The following TBXAS1 variants were observed in gnomAD, a reference collection of about 807,000 sequenced individuals.
TBXAS1 encodes thromboxane-A synthase.
A neutral mutation model predicts 60.7 loss-of-function variants in TBXAS1; 48 were observed. The ratio of observed to expected loss-of-function variants is 0.79; its 90% confidence interval spans 0.63 to 1.01. The LOEUF (loss-of-function observed/expected upper bound fraction) is 1.01, where lower values mean the gene tolerates loss of function less well. TBXAS1 is among the 50% of genes least tolerant of loss of function. The probability of loss-of-function intolerance (pLI) is 0.00; values close to 1 mark genes in which losing one functional copy is unlikely to be tolerated. For synonymous variants in TBXAS1, 287 were observed against 269.7 expected (o/e 1.06, Z -0.63); for missense variants, 685 against 686.3 (o/e 1.00, Z 0.02).
chr7:139,787,922 G>A (rs1193091776), intron 4 of TBXAS1, among the ~76,000 whole-genome samples: 1 of 152,132 alleles, frequency 6.6e-6, no homozygotes, highest in African/African-American at 2.4e-5. Flanking sequence ...TACTAAATGT[G>A]TATTTCTTTA....
chr7:139,936,108 G>C (rs1807744469), intron 4 of TBXAS1, 83 bp from the exon 5 acceptor site: 1 of 1,270,908 alleles, frequency 7.9e-7, no homozygotes, highest in South Asian at 1.2e-5. Flanking sequence ...ACTTTAACCA[G>C]GGTGTTTGTC....
At chr7:139,898,663 C>T (rs1804314023) in intron 3 of TBXAS1, among the ~76,000 whole-genome samples, 1 of 152,108 alleles carries the variant, frequency 6.6e-6, no homozygotes, top group African/African-American at 2.4e-5. Flanking sequence ...GGGCTCCTGT[C>T]AGGGGCCTCC....
chr7:139,914,686 C>A (rs1461759187), intron 4 of TBXAS1, among the ~76,000 whole-genome samples: 1 of 152,132 alleles, frequency 6.6e-6, no homozygotes, highest in Non-Finnish European at 1.5e-5. Flanking sequence ...TCCCTGCCTC[C>A]ATCCACATGC....
chr7:140,002,155 T>C lies in TBXAS1; in HGVS notation c.1135-4936T>C, dbSNP rs10278022. Among the ~76,000 whole-genome samples, 712 of 152,334 alleles carry C rather than the reference T, an allele frequency of 4.7e-3. 11 individuals are homozygous for C. The highest frequency in any genetic ancestry group is 0.016 in the African/African-American group (685 of 41,576). On this transcript the variant is annotated intron_variant, in intron 9 of 12. Coordinates refer to ENST00000448866, the MANE Select transcript of TBXAS1 (RefSeq NM_001061.7). ...AAGGATCTCCTAAACAGAACTGGTT[T>C]TGCATTCCTCGTAAGCACATTCGAT... is the stretch of plus-strand genomic sequence containing the variant.
At chr7:139,986,916 C>T (rs964287586) in intron 9 of TBXAS1, among the ~76,000 whole-genome samples, 4 of 151,632 alleles carry the variant, frequency 2.6e-5, no homozygotes, top group East Asian at 1.9e-4. Flanking sequence ...AACCACTATG[C>T]GATCTTGGCT....
intron 1 of TBXAS1, among the ~76,000 whole-genome samples, chr7:139,835,051 T>C (rs958501435): frequency 6.9e-6 from 1 of 145,562 alleles, no homozygotes. Flanking sequence ...TTGATGAACA[T>C]AGATACTAAA....
chr7:139,997,981 C>T (rs1813411138), intron 9 of TBXAS1, among the ~76,000 whole-genome samples: 1 of 152,188 alleles, frequency 6.6e-6, no homozygotes, highest in South Asian at 2.1e-4. Flanking sequence ...CTCAAATGTC[C>T]ATTGACAAGG....
At chr7:139,927,656 C>T (rs1299414878) in intron 4 of TBXAS1, among the ~76,000 whole-genome samples, 2 of 152,038 alleles carry the variant, frequency 1.3e-5, no homozygotes, top group African/African-American at 4.8e-5. Flanking sequence ...GAATGTGGAA[C>T]CTCTATATAT....
intron 1 of TBXAS1, among the ~76,000 whole-genome samples, chr7:139,843,584 C>A (rs542231579): frequency 9.3e-4 from 142 of 152,276 alleles, no homozygotes; most frequent in Non-Finnish European, 1.6e-3. Flanking sequence ...CTCAGGTGAT[C>A]CGCCCACCTC....
At chr7:139,953,315 T>C in intron 5 of TBXAS1, 53 bp from the exon 6 acceptor site, 1 of 1,466,082 alleles carries the variant, frequency 6.8e-7, no homozygotes, top group Non-Finnish European at 9.6e-7. Flanking sequence ...GCAGCCAATT[T>C]AGGTGTACTC....
At chr7:139,886,844 C>T (rs1236205047) in intron 3 of TBXAS1, among the ~76,000 whole-genome samples, 1 of 152,158 alleles carries the variant, frequency 6.6e-6, no homozygotes, top group Non-Finnish European at 1.5e-5. Context: ...AAGACTCCAG[C>T]CTAAAGATTG....
chr7:139,997,077 C>A (rs987771904), intron 9 of TBXAS1, among the ~76,000 whole-genome samples: 3 of 152,152 alleles, frequency 2.0e-5, no homozygotes, highest in African/African-American at 7.2e-5. Context: ...CTCCCTATTA[C>A]CATAAAAATA....
chr7:139,962,722 TG>T, intron 9 of TBXAS1: 2 of 192,822 alleles, frequency 1.0e-5, no homozygotes, highest in Non-Finnish European at 2.2e-5. Context: ...TAAGGGAAGA[TG>T]GGGCCCGTCA....
At chr7:139,845,823 G>GTT (rs11330197) in intron 1 of TBXAS1, among the ~76,000 whole-genome samples, 5,484 of 130,132 alleles carry the variant, frequency 0.042, 414 homozygotes, top group East Asian at 0.19. Flanking sequence ...TTGAACTCTA[G>GTT]TTTTTTTTTT....
chr7:139,985,064 G>A (rs181031002), intron 9 of TBXAS1, among the ~76,000 whole-genome samples: 2 of 152,328 alleles, frequency 1.3e-5, no homozygotes, highest in Admixed American at 6.5e-5. Context: ...GATTCTGCTG[G>A]AGATCATTCT....
chr7:139,935,622 A>G (rs1217710139), intron 4 of TBXAS1, among the ~76,000 whole-genome samples: 2 of 151,796 alleles, frequency 1.3e-5, no homozygotes, highest in Admixed American at 1.3e-4. Flanking sequence ...AATGACCAAT[A>G]GAACACAGAA....
chr7:139,914,580 G>A (rs903058920), intron 4 of TBXAS1, among the ~76,000 whole-genome samples: 2 of 152,068 alleles, frequency 1.3e-5, no homozygotes, highest in African/African-American at 4.8e-5. Flanking sequence ...ACACATTACT[G>A]CTTCTCACAA....
intron 3 of TBXAS1, among the ~76,000 whole-genome samples, chr7:139,888,156 T>C (rs1002152553): frequency 9.2e-5 from 14 of 152,292 alleles, no homozygotes; most frequent in South Asian, 8.3e-4. Flanking sequence ...CACGATAAAT[T>C]CAGTTTGCTT....
rs1207815294 is a variant in TBXAS1 at position 139,865,803 on chromosome 7, A to G, written c.90-6432A>G. On this transcript the variant is annotated intron_variant, in intron 1 of 12. Coordinates refer to ENST00000448866, the MANE Select transcript of TBXAS1 (RefSeq NM_001061.7). ...AGGAAGGGAGGAAGGAAGGAAGGAA[A>G]GAAGGAAGGAAGGGAGGGAGGGAGG... Among the ~76,000 whole-genome samples, 12 of 84,272 alleles carry G rather than the reference A, an allele frequency of 1.4e-4. 1 individual carries two copies. Among genetic ancestry groups the G allele is most frequent in the African/African-American group, 5.0e-4 (10 of 19,878 alleles). 55.3% of individuals were successfully genotyped at this position (84,272 alleles called of 152,430 possible).
Sources: gnomAD v4.1 joint callset for allele counts (sites outside exome capture counted in the v4.1 genomes callset) on GRCh38, gnomAD v4.1.1 for gene constraint, MANE v1.5 for transcripts, NCBI Gene and HGNC (gene_info 2026-07-23, HGNC 2026-07-21) for gene names.